The following ZC3H12C variants were observed in gnomAD, a reference collection of about 807,000 sequenced individuals.
ZC3H12C encodes probable ribonuclease ZC3H12C.
Under a neutral mutation model 76.3 loss-of-function variants are expected in ZC3H12C, and 20 were observed. That is an observed-to-expected ratio of 0.26 (90% confidence interval 0.18 to 0.38). The LOEUF (loss-of-function observed/expected upper bound fraction) is 0.38. ZC3H12C is among the 10% of genes least tolerant of loss of function. ZC3H12C has a pLI of 1.00. For synonymous variants in ZC3H12C, 352 were observed against 399.6 expected (o/e 0.88, Z 1.42); for missense variants, 874 against 1,086.5 (o/e 0.80, Z 2.75).
chr11:110,163,276 CA>C lies in ZC3H12C; in HGVS notation c.1153del (p.Met385CysfsTer18). The C allele has an allele frequency of 6.2e-7, 1 of 1,611,414 alleles. No individual in the cohort carries two copies. The highest frequency in any genetic ancestry group is 8.5e-7 in the Non-Finnish European group (1 of 1,178,816). On this transcript the variant is annotated frameshift_variant, in exon 5 of 6. Coordinates refer to ENST00000278590, the MANE Select transcript of ZC3H12C (RefSeq NM_033390.2). LOFTEE classifies it high-confidence loss of function. ...LMYSFVNDKF[M>X]PPDDPLGRHG... ...TTTTTTATTATCTCCATGACAGGTT[CA>C]TGCCCCCTGATGACCCTCTTGGCAG...
intron 2 of ZC3H12C, among the ~76,000 whole-genome samples, chr11:110,143,553 TCTA>T (rs1229977247): frequency 9.2e-5 from 14 of 152,090 alleles, no homozygotes; most frequent in East Asian, 3.9e-4. Context: ...GTGATTAAAA[TCTA>T]CTATACTCTT....
intron 1 of ZC3H12C, among the ~76,000 whole-genome samples, chr11:110,097,366 T>C (rs994007554): frequency 4.6e-5 from 7 of 152,230 alleles, no homozygotes; most frequent in African/African-American, 9.6e-5. Flanking sequence ...GGATATGGAA[T>C]AAGTAGAAAA....
chr11:110,135,225 C>G (rs1465006246), intron 1 of ZC3H12C, among the ~76,000 whole-genome samples: 2 of 152,210 alleles, frequency 1.3e-5, no homozygotes, highest in South Asian at 4.2e-4. Flanking sequence ...CGTGGTGGCT[C>G]ACACCTGTAA....
rs1372152864 is a variant in ZC3H12C, at chr11:110,164,062, T to G, written c.1256-279T>G. ...TTGCAGTGAGCTGAGATCACACCAC[T>G]GCCCTCCACCTGGGTGACAGAGCAA... On this transcript the variant is annotated intron_variant, in intron 5 of 5. Coordinates refer to ENST00000278590, the MANE Select transcript of ZC3H12C (RefSeq NM_033390.2). The surrounding 1 kb of genome is among the most constrained non-coding windows in gnomAD (Gnocchi z 5.7). Among the ~76,000 whole-genome samples the G allele has an allele frequency of 2.7e-5, 4 of 150,722 alleles. No homozygotes were observed. Among genetic ancestry groups the G allele is most frequent in the Admixed American group, 6.6e-5 (1 of 15,076 alleles).
At position 110,168,450 on chromosome 11, in the gene ZC3H12C, T is replaced by C. The variant is rs986009639; in HGVS notation, c.*2713T>C. 6.6e-6 allele frequency: 1 copy of C among 152,156 alleles called. No homozygotes were observed. Among genetic ancestry groups the C allele is most frequent in the African/African-American group, 2.4e-5 (1 of 41,434 alleles). The allele number at this position is 152,156 out of a possible 1,614,324, so 9.4% of individuals were successfully genotyped here. A position where few individuals can be genotyped will look rare whatever the true frequency, so the allele number is the denominator to read the frequency against. The stretch of plus-strand genomic sequence containing the variant: ...GGAGTCCATCATTAAATTAAATCCA[T>C]AGCTGATCACAAGCCTTCATTTTAG... On this transcript the variant is annotated 3_prime_UTR_variant, in exon 6 of 6. Transcript: ENST00000278590.
intron 1 of ZC3H12C, chr11:110,131,657 C>T (rs1488453629): frequency 6.6e-6 from 1 of 152,480 alleles, no homozygotes; most frequent in African/African-American, 2.4e-5. Flanking sequence ...TCACTCTCAC[C>T]TTTCTTCTCC....
At chr11:110,140,948 A>ACGT (rs1219859215) in intron 2 of ZC3H12C, among the ~76,000 whole-genome samples, 1 of 152,202 alleles carries the variant, frequency 6.6e-6, no homozygotes, top group Non-Finnish European at 1.5e-5. Context: ...AGACAAAGAG[A>ACGT]CCCACTTATG....
rs1028313467 is a variant in ZC3H12C at position 110,165,254 on chromosome 11, C to A, written c.2169C>A (p.Gly723=). Residue 723 remains glycine, a synonymous_variant, in exon 6 of 6, where the codon GGC becomes GGA. Coordinates refer to ENST00000278590, the MANE Select transcript of ZC3H12C (RefSeq NM_033390.2). ...TGGGCGCCCGGTCCAGCTGTCCTGGCGACTACCCCTCTCCTCCAAGTTCAG... is the reference window on the plus strand; with the variant it reads ...TGGGCGCCCGGTCCAGCTGTCCTGGAGACTACCCCTCTCCTCCAAGTTCAG... The part of the protein sequence containing the change: ...SAVGARSSCP[G]DYPSPPSSAH... 1.9e-5 allele frequency: 30 copies of A among 1,613,896 alleles called. No homozygotes were observed. Among genetic ancestry groups the A allele is most frequent in the African/African-American group, 2.7e-5 (2 of 74,944 alleles).
chr11:110,159,035 A>ATT (rs36078930), intron 3 of ZC3H12C, among the ~76,000 whole-genome samples: 1 of 151,948 alleles, frequency 6.6e-6, no homozygotes, highest in Non-Finnish European at 1.5e-5. Context: ...TACTGTTCGT[A>ATT]TTTTTTTAAC....
Position 110,112,985 on chromosome 11 carries a change from C to A in ZC3H12C, c.21+19553C>A, listed in dbSNP as rs1861460546. Among the ~76,000 whole-genome samples, 2 of 117,910 alleles carry A rather than the reference C, an allele frequency of 1.7e-5. 1 individual carries two copies. The highest frequency in any genetic ancestry group is 6.5e-5 in the African/African-American group (2 of 30,644). 77.4% of individuals were successfully genotyped at this position (117,910 alleles called of 152,430 possible). Reference sequence around the variant, plus strand: ...GAATCCAGTCTCCTGGTTTAAAGTTCTTATCGCCCCCCCCTACCAAAAAAA... The same window carrying A: ...GAATCCAGTCTCCTGGTTTAAAGTTATTATCGCCCCCCCCTACCAAAAAAA... On this transcript the variant is annotated intron_variant, in intron 1 of 5. Transcript: ENST00000278590.
At chr11:110,163,061 A>G (rs1393961091) in intron 4 of ZC3H12C, among the ~76,000 whole-genome samples, 3 of 152,272 alleles carry the variant, frequency 2.0e-5, no homozygotes, top group Non-Finnish European at 4.4e-5. Context: ...ATTAAAACAA[A>G]TACAATTTCA....
chr11:110,143,668 C>T (rs554878008), intron 2 of ZC3H12C, among the ~76,000 whole-genome samples: 14 of 152,178 alleles, frequency 9.2e-5, no homozygotes, highest in African/African-American at 3.4e-4. Flanking sequence ...AACACACACA[C>T]GTATATGTAT....
At chr11:110,098,922 TTTGTC>T (rs1215335980) in intron 1 of ZC3H12C, among the ~76,000 whole-genome samples, 3 of 152,222 alleles carry the variant, frequency 2.0e-5, no homozygotes, top group African/African-American at 7.2e-5. Context: ...TGTCAATAGA[TTTGTC>T]TAGTATTGTG....
chr11:110,093,795 C>T (rs1199682984), intron 1 of ZC3H12C, among the ~76,000 whole-genome samples: 2 of 152,152 alleles, frequency 1.3e-5, no homozygotes. Flanking sequence ...TCGGGCGCCG[C>T]GGATGGAAAC....
At chr11:110,100,323 C>T (rs1164234376) in intron 1 of ZC3H12C, among the ~76,000 whole-genome samples, 3 of 151,180 alleles carry the variant, frequency 2.0e-5, no homozygotes, top group East Asian at 2.0e-4. Context: ...GGATTACAGG[C>T]GTGAGCCACT....
At chr11:110,155,924 T>TAA (rs11372652) in intron 3 of ZC3H12C, among the ~76,000 whole-genome samples, 21 of 151,348 alleles carry the variant, frequency 1.4e-4, no homozygotes, top group Admixed American at 2.0e-4. Context: ...TAGAGTAAAT[T>TAA]AAAAAAAGGA....
intron 1 of ZC3H12C, among the ~76,000 whole-genome samples, chr11:110,134,751 T>C (rs1470098786): frequency 6.6e-6 from 1 of 152,168 alleles, no homozygotes; most frequent in East Asian, 1.9e-4. Context: ...TCTTTAAAAC[T>C]AATGAATCCT....
intron 1 of ZC3H12C, among the ~76,000 whole-genome samples, chr11:110,105,205 C>G (rs1167570271): frequency 2.0e-5 from 3 of 152,180 alleles, no homozygotes; most frequent in African/African-American, 7.2e-5. Context: ...GCTGTCTCCT[C>G]ATTGTTGACT....
intron 1 of ZC3H12C, among the ~76,000 whole-genome samples, chr11:110,098,025 A>G (rs1861144521): frequency 6.6e-6 from 1 of 152,194 alleles, no homozygotes; most frequent in East Asian, 1.9e-4. Context: ...CTTATACAAA[A>G]AAAAGTTAAC....
Sources: allele counts gnomAD v4.1 joint callset (sites outside exome capture counted in the v4.1 genomes callset), GRCh38; gene constraint gnomAD v4.1.1; non-coding constraint Gnocchi (gnomAD v3.1); transcripts MANE v1.5; gene names NCBI Gene and HGNC (gene_info 2026-07-23, HGNC 2026-07-21).